MAP4K5: variants seen among roughly 807,000 people sequenced by gnomAD.
MAP4K5 encodes MAPK/ERK kinase kinase kinase 5.
A neutral mutation model predicts 135.6 loss-of-function variants in MAP4K5; 82 were observed. The ratio of observed to expected loss-of-function variants is 0.60; its 90% CI spans 0.51 to 0.73. The LOEUF (loss-of-function observed/expected upper bound fraction) is 0.73, where lower values mean the gene tolerates loss of function less well. MAP4K5 is among the 30% of genes least tolerant of loss of function. The pLI, the probability that MAP4K5 is intolerant of heterozygous loss-of-function variation, is 0.00. For missense variants in MAP4K5, 907 were observed against 1,010.9 expected (o/e 0.90, Z 1.39); for synonymous variants, 347 against 335.0 (o/e 1.04, Z -0.39).
intron 2 of MAP4K5, among the ~76,000 whole-genome samples, chr14:50,507,855 C>G (rs1220215286): frequency 6.6e-6 from 1 of 152,110 alleles, no homozygotes. Context: ...CTGTAGATGT[C>G]TATTGGGTCT....
chr14:50,487,840 C>T (rs2037400087), intron 3 of MAP4K5, among the ~76,000 whole-genome samples: 1 of 152,132 alleles, frequency 6.6e-6, no homozygotes, highest in Non-Finnish European at 1.5e-5. Context: ...TTATATCACT[C>T]CTCCATCTGA....
intron 10 of MAP4K5, 96 bp from the exon 11 acceptor site, chr14:50,466,741 A>C: frequency 1.6e-6 from 1 of 606,528 alleles, no homozygotes; most frequent in Admixed American, 2.6e-5. Context: ...AGACTACCAC[A>C]TAAGTGGACA....
At chr14:50,537,511 C>T (rs1323160522), upstream of MAP4K5, among the ~76,000 whole-genome samples, 1 of 152,186 alleles carries the variant, frequency 6.6e-6, no homozygotes, top group Non-Finnish European at 1.5e-5. Flanking sequence ...TCCTCCAGAT[C>T]ACAGAATGGT....
intron 9 of MAP4K5, among the ~76,000 whole-genome samples, chr14:50,469,083 C>A (rs1422499863): frequency 6.6e-6 from 1 of 151,968 alleles, no homozygotes; most frequent in Non-Finnish European, 1.5e-5. Context: ...AAAAAGAATA[C>A]CTAAATCCCT....
chr14:50,532,287 GC>G, intron 1 of MAP4K5, 129 bp from the exon 2 acceptor site: 9 of 444,018 alleles, frequency 2.0e-5, no homozygotes, highest in East Asian at 4.0e-5. Context: ...GCCTGGAAGG[GC>G]CCCCGGCGCC....
chr14:50,550,399 C>G (rs1463025967), intron 1 of MAP4K5, among the ~76,000 whole-genome samples: 1 of 152,234 alleles, frequency 6.6e-6, no homozygotes, highest in African/African-American at 2.4e-5. Context: ...CCCATGGCAG[C>G]TGGTAATGTC....
chr14:50,452,298 G>A (rs2036507826), intron 14 of MAP4K5, among the ~76,000 whole-genome samples: 1 of 152,078 alleles, frequency 6.6e-6, no homozygotes, highest in South Asian at 2.1e-4. Flanking sequence ...AAGATAAAAA[G>A]GACAAATAGA....
chr14:50,534,396 T>G (rs578108044), upstream of MAP4K5, among the ~76,000 whole-genome samples: 9 of 152,360 alleles, frequency 5.9e-5, no homozygotes, highest in Non-Finnish European at 1.3e-4. Context: ...GAGGCATATA[T>G]TTTCCTAATG....
At chr14:50,555,836 G>A (rs1051765150) in intron 1 of MAP4K5, among the ~76,000 whole-genome samples, 1 of 152,034 alleles carries the variant, frequency 6.6e-6, no homozygotes, top group Admixed American at 6.6e-5. Flanking sequence ...TTGTGTTACC[G>A]CCAAAAGCAT....
intron 28 of MAP4K5, among the ~76,000 whole-genome samples, chr14:50,429,845 C>T (rs965886934): frequency 1.3e-5 from 2 of 152,058 alleles, no homozygotes; most frequent in African/African-American, 4.8e-5. Context: ...CAACTCTCAT[C>T]GTTTTGCTGA....
At chr14:50,467,610 C>T (rs548557516) in intron 10 of MAP4K5, among the ~76,000 whole-genome samples, 2 of 151,882 alleles carry the variant, frequency 1.3e-5, no homozygotes, top group Non-Finnish European at 2.9e-5. Flanking sequence ...GATTTTTTCC[C>T]TTGTTATCCT....
At chr14:50,488,459 G>C (rs1037775126) in intron 3 of MAP4K5, among the ~76,000 whole-genome samples, 1 of 152,188 alleles carries the variant, frequency 6.6e-6, no homozygotes, top group Non-Finnish European at 1.5e-5. Flanking sequence ...TCTGAGCTAT[G>C]CTGAGAAATT....
At chr14:50,548,543 T>C (rs961091474) in intron 1 of MAP4K5, among the ~76,000 whole-genome samples, 2 of 152,114 alleles carry the variant, frequency 1.3e-5, no homozygotes, top group African/African-American at 4.8e-5. Flanking sequence ...GGAGTCTTGC[T>C]CTGTCACCCA....
At chr14:50,555,036 C>T (rs1419822246) in intron 1 of MAP4K5, among the ~76,000 whole-genome samples, 1 of 152,154 alleles carries the variant, frequency 6.6e-6, no homozygotes, top group African/African-American at 2.4e-5. Flanking sequence ...GTATATTTAT[C>T]AATGAGGTGG....
chr14:50,530,898 G>GA (rs2140124882), intron 2 of MAP4K5, among the ~76,000 whole-genome samples: 1 of 152,250 alleles, frequency 6.6e-6, no homozygotes, highest in South Asian at 2.1e-4. Flanking sequence ...AGAAAGAGGG[G>GA]AACCACCTGT....
At chr14:50,550,080 G>A (rs975920472) in intron 1 of MAP4K5, among the ~76,000 whole-genome samples, 1 of 152,184 alleles carries the variant, frequency 6.6e-6, no homozygotes. Flanking sequence ...GCTGCTGGAG[G>A]ATAAGTGATC....
At chr14:50,440,097 A>G in intron 22 of MAP4K5, 24 bp from the exon 23 acceptor site, 6 of 1,290,532 alleles carry the variant, frequency 4.6e-6, no homozygotes, top group Non-Finnish European at 6.5e-6. Flanking sequence ...GATAATTAAG[A>G]TTCTCTCATT....
intron 14 of MAP4K5, among the ~76,000 whole-genome samples, chr14:50,454,373 T>C (rs1010667518): frequency 6.6e-6 from 1 of 152,158 alleles, no homozygotes; most frequent in Non-Finnish European, 1.5e-5. Flanking sequence ...GTGGTAGTTA[T>C]ATGAGTGTAT....
chr14:50,558,106 T>A (rs529260727), intron 1 of MAP4K5, among the ~76,000 whole-genome samples: 1 of 152,274 alleles, frequency 6.6e-6, no homozygotes, highest in South Asian at 2.1e-4. Flanking sequence ...GCTACTTAAT[T>A]TAAAAGACAT....
Sources: allele counts gnomAD v4.1 joint callset (sites outside exome capture counted in the v4.1 genomes callset), GRCh38; gene constraint gnomAD v4.1.1; transcripts MANE v1.5; gene names NCBI Gene and HGNC (gene_info 2026-07-23, HGNC 2026-07-21).